The following NF1 variants were observed in gnomAD, a reference collection of about 807,000 sequenced individuals.
NF1 encodes the protein neurofibromin.
A neutral mutation model predicts 325.7 loss-of-function variants in NF1; 122 were observed. That is an observed-to-expected ratio of 0.37 (90% CI 0.32 to 0.44). NF1 has a LOEUF of 0.44. NF1 is among the 20% of genes least tolerant of loss of function. The pLI is 1.00. For synonymous variants in NF1, 1,091 were observed against 1,186.0 expected, an observed-to-expected ratio of 0.92 and a Z score of 1.65; for missense variants, 2,140 against 3,415.4, an observed-to-expected ratio of 0.63 and a Z score of 9.31.
intron 36 of NF1, among the ~76,000 whole-genome samples, chr17:31,301,617 A>G (rs1383131995): frequency 6.6e-6 from 1 of 152,180 alleles, no homozygotes. Context: ...TATGTGATAT[A>G]TGTATGTTTC....
chr17:31,187,161 A>G (rs889627741), intron 8 of NF1, among the ~76,000 whole-genome samples: 2 of 152,106 alleles, frequency 1.3e-5, no homozygotes, highest in South Asian at 2.1e-4. Context: ...ACAGCTAAAG[A>G]AGTGTGCCAG....
At chr17:31,234,951 A>AT (rs1297570326) in intron 27 of NF1, among the ~76,000 whole-genome samples, 4 of 152,004 alleles carry the variant, frequency 2.6e-5, no homozygotes, top group Admixed American at 2.6e-4. Flanking sequence ...CCATTAGATC[A>AT]TTTTTTCTTG....
At chr17:31,310,144 T>C (rs2068830229) in intron 36 of NF1, among the ~76,000 whole-genome samples, 2 of 152,154 alleles carry the variant, frequency 1.3e-5, no homozygotes, top group South Asian at 4.1e-4. Flanking sequence ...GTAAGTGGTG[T>C]GTACCTGAAG....
At chr17:31,266,232 C>A (rs1007596845) in intron 36 of NF1, among the ~76,000 whole-genome samples, 5 of 152,134 alleles carry the variant, frequency 3.3e-5, no homozygotes, top group African/African-American at 1.2e-4. Context: ...CATTGTTAGT[C>A]AGCTTGCTGG....
Position 31,234,570 on chromosome 17 carries a change from G to C in NF1, c.3709-1041G>C, listed in dbSNP as rs994938666. Among the ~76,000 whole-genome samples the C allele has an allele frequency of 5.7e-4, 85 of 150,418 alleles. 1 individual carries two copies. Among genetic ancestry groups the C allele is most frequent in the African/African-American group, 2.1e-3 (84 of 40,860 alleles). ...AGGTGCCAATAGTCCCAGCTACTTG[G>C]GAGGCTGAGGCAGGAGAATGGTGTG... On this transcript the variant is annotated intron_variant, in intron 27 of 57. Coordinates refer to ENST00000358273, the MANE Select transcript of NF1 (RefSeq NM_001042492.3).
At chr17:31,246,023 T>G (rs2067384046) in intron 29 of NF1, among the ~76,000 whole-genome samples, 2 of 152,146 alleles carry the variant, frequency 1.3e-5, no homozygotes, top group Admixed American at 6.5e-5. Context: ...TTCCAAGGGT[T>G]TTAAGAGCAA....
intron 1 of NF1, among the ~76,000 whole-genome samples, chr17:31,116,871 G>C (rs546826202): frequency 6.6e-6 from 1 of 150,828 alleles, no homozygotes; most frequent in Non-Finnish European, 1.5e-5. Context: ...TAGAGACAGG[G>C]TTTCGCTGTG....
At chr17:31,216,961 C>G (rs545060580) in intron 13 of NF1, among the ~76,000 whole-genome samples, 125 of 152,266 alleles carry the variant, frequency 8.2e-4, no homozygotes, top group African/African-American at 2.7e-3. Context: ...GAGTCGGACA[C>G]TTTTCCATGT....
intron 9 of NF1, 150 bp from the exon 10 acceptor site, chr17:31,200,887 G>C: frequency 1.8e-6 from 2 of 1,107,582 alleles, no homozygotes; most frequent in South Asian, 2.6e-5. Context: ...GTATCAGACT[G>C]ATGAACCACA....
At chr17:31,153,075 T>C (rs1266208707) in intron 1 of NF1, among the ~76,000 whole-genome samples, 1 of 152,128 alleles carries the variant, frequency 6.6e-6, no homozygotes, top group East Asian at 1.9e-4. Context: ...CTCTTTTTCA[T>C]TTTTATTTGG....
intron 35 of NF1, among the ~76,000 whole-genome samples, chr17:31,263,244 C>T (rs747113173): frequency 7.2e-5 from 11 of 151,926 alleles, no homozygotes; most frequent in Non-Finnish European, 1.3e-4. Context: ...AGTTTGAGAC[C>T]ACCCTGGGCA....
intron 36 of NF1, chr17:31,294,727 A>G (rs1378954922): frequency 2.1e-6 from 1 of 465,962 alleles, no homozygotes; most frequent in Admixed American, 3.5e-5. Context: ...TAGATGCTTT[A>G]TATTTTGTGC....
chr17:31,306,167 A>T (rs1183261918), intron 36 of NF1, among the ~76,000 whole-genome samples: 2 of 151,960 alleles, frequency 1.3e-5, no homozygotes, highest in African/African-American at 4.8e-5. Context: ...GCTTTTTGTA[A>T]TCAGTCTTCC....
chr17:31,208,162 A>T (rs923477333), intron 12 of NF1, among the ~76,000 whole-genome samples: 2 of 152,228 alleles, frequency 1.3e-5, no homozygotes, highest in African/African-American at 4.8e-5. Context: ...TTTTGGCTCA[A>T]GGACACCTGT....
At chr17:31,187,411 A>T (rs1424405565) in intron 8 of NF1, among the ~76,000 whole-genome samples, 1 of 152,018 alleles carries the variant, frequency 6.6e-6, no homozygotes, top group Non-Finnish European at 1.5e-5. Context: ...GTTGGCCAGG[A>T]TGGTCTCAAT....
chr17:31,367,197 GC>G (rs2070541133), intron 57 of NF1: 1 of 1,288,126 alleles, frequency 7.8e-7, no homozygotes, highest in Non-Finnish European at 1.0e-6. Flanking sequence ...TCACTTACTT[GC>G]TTTTTTTTCT....
Position 31,232,877 on chromosome 17 carries a change from C to T in NF1, c.3492C>T (p.Ser1164=), listed in dbSNP as rs370206701. The T allele has an allele frequency of 2.5e-6, 4 of 1,613,970 alleles. No homozygotes were observed. Among genetic ancestry groups the T allele is most frequent in the African/African-American group, 2.7e-5 (2 of 74,988 alleles). The change falls in exon 26 of 58, where the codon TCC becomes TCT. Residue 1164 remains serine (S), a synonymous_variant. Coordinates refer to ENST00000358273, the MANE Select transcript of NF1 (RefSeq NM_001042492.3). Reference sequence around the variant, plus strand: ...ACGTAGACAGTGGTCTCATGCACTCCATAGGTGAGATCAAATGAAAGTTTC... The same window carrying T: ...ACGTAGACAGTGGTCTCATGCACTCTATAGGTGAGATCAAATGAAAGTTTC... The part of the protein sequence containing the change: ...NANVDSGLMH[S]IGLGYHKDLQ...
At chr17:31,279,193 G>A in intron 36 of NF1, among the ~76,000 whole-genome samples, 1 of 152,140 alleles carries the variant, frequency 6.6e-6, no homozygotes, top group Non-Finnish European at 1.5e-5. Flanking sequence ...GTTGCAGTGA[G>A]CTATGTTCCC....
At chr17:31,313,011 G>A (rs565164468) in intron 36 of NF1, among the ~76,000 whole-genome samples, 13 of 152,042 alleles carry the variant, frequency 8.6e-5, no homozygotes, top group South Asian at 8.3e-4. Context: ...ATTAATATAC[G>A]CATGCATGTT....
Sources: gnomAD v4.1 joint callset for allele counts (sites outside exome capture counted in the v4.1 genomes callset) on GRCh38, gnomAD v4.1.1 for gene constraint, MANE v1.5 for transcripts, NCBI Gene and HGNC (gene_info 2026-07-23, HGNC 2026-07-21) for gene names.